Variants in JARID2 observed in about 807,000 individuals in gnomAD.
JARID2 encodes the protein protein Jumonji.
JARID2 carries 21 observed loss-of-function variants against 125.6 expected under a neutral mutation model. That is an observed-to-expected ratio of 0.17 (90% CI 0.12 to 0.24). The LOEUF is 0.24. Ranked by LOEUF, JARID2 falls within the 10% of genes least tolerant of loss-of-function variation. The pLI is 1.00. For missense variants in JARID2, 1,303 were observed against 1,639.6 expected (o/e 0.79, Z 3.55); for synonymous variants, 736 against 661.6 (o/e 1.11, Z -1.73).
chr6:15,444,512 C>T (rs554776315), intron 3 of JARID2, among the ~76,000 whole-genome samples: 8 of 152,164 alleles, frequency 5.3e-5, no homozygotes, highest in South Asian at 2.1e-4. Context: ...CGCACACACA[C>T]GGGCACACTC....
At chr6:15,460,354 G>C (rs1248577642) in intron 4 of JARID2, among the ~76,000 whole-genome samples, 2 of 152,142 alleles carry the variant, frequency 1.3e-5, no homozygotes, top group Admixed American at 6.5e-5. Context: ...GATAAGGCAG[G>C]CTTCCTTTTT....
At chr6:15,417,873 T>C (rs73365210) in intron 3 of JARID2, among the ~76,000 whole-genome samples, 6,115 of 152,338 alleles carry the variant, frequency 0.04, 431 homozygotes, top group African/African-American at 0.14. Flanking sequence ...ATGCACATCC[T>C]TTCGAGACTT....
intron 1 of JARID2, among the ~76,000 whole-genome samples, chr6:15,355,258 A>G (rs753944797): frequency 1.5e-4 from 23 of 151,432 alleles, no homozygotes; most frequent in Non-Finnish European, 1.9e-4. Context: ...GAAATTGTCA[A>G]TGAACTTGAT....
At chr6:15,513,087 C>G (rs775312476) in intron 15 of JARID2, 42 bp downstream of exon 15, 1 of 1,612,224 alleles carries the variant, frequency 6.2e-7, no homozygotes, top group South Asian at 1.1e-5. Context: ...CTGGACCCGG[C>G]TGCCCTTCGG....
intron 3 of JARID2, among the ~76,000 whole-genome samples, chr6:15,425,589 A>G (rs1487345631): frequency 6.6e-6 from 1 of 152,168 alleles, no homozygotes; most frequent in African/African-American, 2.4e-5. Context: ...TCCTTATAGA[A>G]GGACAAGATA....
At chr6:15,326,184 T>G (rs1005393043) in intron 1 of JARID2, among the ~76,000 whole-genome samples, 2 of 152,212 alleles carry the variant, frequency 1.3e-5, no homozygotes, top group Admixed American at 6.5e-5. Context: ...TTGTTTCATT[T>G]ACACCTTTAC....
At chr6:15,269,752 C>T (rs1203356197) in intron 1 of JARID2, among the ~76,000 whole-genome samples, 7 of 151,914 alleles carry the variant, frequency 4.6e-5, no homozygotes, top group African/African-American at 1.5e-4. Flanking sequence ...CAAAGAATAT[C>T]CAGGCAGTGT....
At chr6:15,343,194 A>G (rs1375926480) in intron 1 of JARID2, among the ~76,000 whole-genome samples, 1 of 137,438 alleles carries the variant, frequency 7.3e-6, no homozygotes, top group Admixed American at 8.5e-5. Context: ...GTGCCATTGC[A>G]CTCCAGCCTG....
chr6:15,328,609 TA>T (rs1762607459), intron 1 of JARID2, among the ~76,000 whole-genome samples: 1 of 152,160 alleles, frequency 6.6e-6, no homozygotes, highest in South Asian at 2.1e-4. Flanking sequence ...ATTGTTTATC[TA>T]GGTTGCCCAG....
chr6:15,461,937 A>T (rs1450175617), intron 4 of JARID2, among the ~76,000 whole-genome samples: 1 of 151,584 alleles, frequency 6.6e-6, no homozygotes, highest in Non-Finnish European at 1.5e-5. Flanking sequence ...CAAGATGAGC[A>T]TGATTGGATA....
At chr6:15,399,287 C>T (rs1452560623) in intron 2 of JARID2, among the ~76,000 whole-genome samples, 2 of 152,174 alleles carry the variant, frequency 1.3e-5, no homozygotes, top group Non-Finnish European at 2.9e-5. Flanking sequence ...ACTGGGTTCT[C>T]GGATAGCCTC....
rs766360034 is a variant in JARID2 at position 15,517,282 on chromosome 6, C to T, written c.3558+14C>T. 4.7e-5 allele frequency: 75 copies of T among 1,587,180 alleles called. 1 individual carries two copies. The highest frequency in any genetic ancestry group is 2.0e-4 in the South Asian group (18 of 90,576). On this transcript the variant is annotated intron_variant, in intron 17 of 17. Transcript: ENST00000341776. ...CGCTACGATGAGGTCAGTCCCTGCC[C>T]GCGGGGTAGGGCAGGGCGGCAGCGT...
At chr6:15,296,188 C>T (rs1213235475) in intron 1 of JARID2, among the ~76,000 whole-genome samples, 3 of 152,114 alleles carry the variant, frequency 2.0e-5, no homozygotes, top group Admixed American at 6.5e-5. Flanking sequence ...TTTTTTACTT[C>T]TTTGAAGTAA....
chr6:15,303,527 C>G (rs956056105), intron 1 of JARID2, among the ~76,000 whole-genome samples: 2 of 152,242 alleles, frequency 1.3e-5, no homozygotes, highest in East Asian at 1.9e-4. Flanking sequence ...TCTTTAAAGT[C>G]CAACATTTTT....
intron 5 of JARID2, among the ~76,000 whole-genome samples, chr6:15,473,490 T>C (rs1253256238): frequency 1.5e-5 from 2 of 129,748 alleles, no homozygotes; most frequent in African/African-American, 5.9e-5. Context: ...GGGTGACTTG[T>C]CTCCCTTGTC....
At chr6:15,495,360 A>G (rs1223270612) in intron 6 of JARID2, among the ~76,000 whole-genome samples, 1 of 152,206 alleles carries the variant, frequency 6.6e-6, no homozygotes, top group Non-Finnish European at 1.5e-5. Context: ...GACAGTTTGT[A>G]AACGGTGGGA....
At chr6:15,473,491 C>T (rs541278388) in intron 5 of JARID2, among the ~76,000 whole-genome samples, 56 of 123,416 alleles carry the variant, frequency 4.5e-4, no homozygotes, top group Middle Eastern at 5.7e-3. Context: ...GGTGACTTGT[C>T]TCCCTTGTCT....
chr6:15,514,519 C>G (rs1478490798), intron 16 of JARID2, among the ~76,000 whole-genome samples: 1 of 152,182 alleles, frequency 6.6e-6, no homozygotes, highest in Admixed American at 6.5e-5. Context: ...GACTGAGACC[C>G]GGGTCGACTC....
In JARID2 at chr6:15,507,761, C is replaced by T. The variant is rs143010821; in HGVS notation, c.2731+345C>T. 2.7e-3 allele frequency among the ~76,000 whole-genome samples: 407 copies of T among 152,228 alleles called. 7 individuals carry two copies. The highest frequency in any genetic ancestry group is 8.7e-3 in the African/African-American group (363 of 41,554). ...ATGAATTCTCAGGATGGTCAGTAGG[C>T]TCGTAAGGGACGGATGGATGCTTTG... On this transcript the variant is annotated intron_variant, in intron 11 of 17. Coordinates refer to ENST00000341776, the MANE Select transcript of JARID2 (RefSeq NM_004973.4).
Sources: allele counts gnomAD v4.1 joint callset (sites outside exome capture counted in the v4.1 genomes callset), GRCh38; gene constraint gnomAD v4.1.1; transcripts MANE v1.5; gene names NCBI Gene and HGNC (gene_info 2026-07-23, HGNC 2026-07-21).